The following FBXW4 variants were observed in gnomAD, a reference collection of about 807,000 sequenced individuals.
The protein encoded by FBXW4 is F-box and WD repeat domain containing 4, also known as F-box/WD repeat-containing protein 4.
Under a neutral mutation model 61.8 loss-of-function variants are expected in FBXW4, and 40 were observed. That is an observed-to-expected ratio of 0.65 (90% CI 0.50 to 0.84). FBXW4 has a LOEUF of 0.84. Ranked by LOEUF, FBXW4 falls within the 40% of genes least tolerant of loss-of-function variation. FBXW4 has a pLI of 0.00. For missense variants in FBXW4, 672 were observed against 753.8 expected, an observed-to-expected ratio of 0.89 and a Z score of 1.27; for synonymous variants, 311 against 313.8, an observed-to-expected ratio of 0.99 and a Z score of 0.10.
intron 5 of FBXW4, among the ~76,000 whole-genome samples, chr10:101,650,444 G>A (rs1259282245): frequency 6.6e-6 from 1 of 152,170 alleles, no homozygotes; most frequent in Non-Finnish European, 1.5e-5. Context: ...AGCCCTGCAA[G>A]CAAGGCCCTG....
In FBXW4 at chr10:101,694,620, CT is replaced by C; in HGVS notation, c.485del (p.Glu162GlyfsTer65). The C allele has an allele frequency of 7.0e-7, 1 of 1,433,366 alleles. No individual in the cohort carries two copies. Among genetic ancestry groups the C allele is most frequent in the South Asian group, 1.5e-5 (1 of 68,272 alleles). The allele number at this position is 1,433,366 out of a possible 1,614,324, so 88.8% of individuals were successfully genotyped here. A position where few individuals can be genotyped will look rare whatever the true frequency, so the allele number is the denominator to read the frequency against. ...TGVAMAAAAGEEEEEEEAARE... is the reference protein window; with the variant it reads ...TGVAMAAAAGXEEEEEEAARE... ...GAGCCGCCTCCTCCTCCTCCTCCTC[CT>C]CCCCGGCCGCCGCCGCCATGGCCAC... On this transcript the variant is annotated frameshift_variant, in exon 1 of 9. Coordinates refer to ENST00000331272, the MANE Select transcript of FBXW4 (RefSeq NM_022039.4). LOFTEE classifies it high-confidence loss of function. This position sits in a 1 kb window ranked among gnomAD's most constrained non-coding sequence, Gnocchi z 6.0.
At chr10:101,690,727 G>C (rs761914589) in intron 1 of FBXW4, among the ~76,000 whole-genome samples, 10 of 152,186 alleles carry the variant, frequency 6.6e-5, no homozygotes, top group Non-Finnish European at 1.5e-4. Flanking sequence ...GTGTTTCTGA[G>C]AATCAAGAGG....
At chr10:101,683,278 A>G (rs1356021861) in intron 1 of FBXW4, among the ~76,000 whole-genome samples, 1 of 152,238 alleles carries the variant, frequency 6.6e-6, no homozygotes, top group Non-Finnish European at 1.5e-5. Context: ...TGCCCTGTAA[A>G]TAAATCTCTC....
At chr10:101,628,621 C>T (rs1186987411) in intron 5 of FBXW4, among the ~76,000 whole-genome samples, 1 of 152,144 alleles carries the variant, frequency 6.6e-6, no homozygotes, top group Non-Finnish European at 1.5e-5. Flanking sequence ...GGAATAATTC[C>T]CAAATACCAA....
intron 5 of FBXW4, among the ~76,000 whole-genome samples, chr10:101,637,699 CAAAAAAAAAA>C (rs34463792): frequency 1.2e-5 from 1 of 82,052 alleles, no homozygotes; most frequent in Non-Finnish European, 2.2e-5. Flanking sequence ...GATCCTGTCT[CAAAAAAAAAA>C]AAAAAAAAAA....
At chr10:101,650,534 G>C (rs952585975) in intron 5 of FBXW4, among the ~76,000 whole-genome samples, 5 of 152,190 alleles carry the variant, frequency 3.3e-5, no homozygotes, top group African/African-American at 1.2e-4. Flanking sequence ...CAAGCTGGCA[G>C]CCCTATGGGG....
intron 5 of FBXW4, among the ~76,000 whole-genome samples, chr10:101,630,244 C>T (rs2063940740): frequency 6.6e-6 from 1 of 152,196 alleles, no homozygotes; most frequent in East Asian, 1.9e-4. Flanking sequence ...TTATTACTCT[C>T]TATTACTCCA....
intron 5 of FBXW4, among the ~76,000 whole-genome samples, chr10:101,645,975 T>C (rs953546653): frequency 2.6e-5 from 4 of 152,142 alleles, no homozygotes; most frequent in Non-Finnish European, 5.9e-5. Flanking sequence ...AGGATGATGA[T>C]GGTACCTATC....
chr10:101,684,743 T>A (rs1244953762), intron 1 of FBXW4, among the ~76,000 whole-genome samples: 1 of 152,272 alleles, frequency 6.6e-6, no homozygotes, highest in African/African-American at 2.4e-5. Context: ...TATACTTGCA[T>A]TAGCCTGAAT....
chr10:101,630,334 G>A (rs1023117898), intron 5 of FBXW4, among the ~76,000 whole-genome samples: 2 of 152,248 alleles, frequency 1.3e-5, no homozygotes, highest in Non-Finnish European at 1.5e-5. Context: ...GTGGGCTCCC[G>A]AACCGCCCTG....
At chr10:101,621,812 AC>A (rs945162946) in intron 6 of FBXW4, among the ~76,000 whole-genome samples, 60 of 152,182 alleles carry the variant, frequency 3.9e-4, no homozygotes, top group Non-Finnish European at 1.6e-4. Context: ...CAACTGAAGG[AC>A]CTAGAACTTT....
intron 5 of FBXW4, among the ~76,000 whole-genome samples, chr10:101,650,205 T>C (rs2064134679): frequency 6.6e-6 from 1 of 152,162 alleles, no homozygotes; most frequent in Non-Finnish European, 1.5e-5. Flanking sequence ...CCTGTGACCA[T>C]GTCCAGTTCT....
chr10:101,660,245 G>C (rs1589765705), intron 5 of FBXW4: 1 of 968,428 alleles, frequency 1.0e-6, no homozygotes, highest in Non-Finnish European at 1.2e-6. Flanking sequence ...CCAGCTCCAG[G>C]AATTCCCTTT....
intron 6 of FBXW4, among the ~76,000 whole-genome samples, chr10:101,614,163 C>T (rs1431593528): frequency 6.6e-6 from 1 of 152,244 alleles, no homozygotes; most frequent in Non-Finnish European, 1.5e-5. Context: ...AGTTCTCCTC[C>T]CTCTTCCAGA....
At chr10:101,619,384 C>A (rs1232517836) in intron 6 of FBXW4, among the ~76,000 whole-genome samples, 1 of 152,148 alleles carries the variant, frequency 6.6e-6, no homozygotes, top group Non-Finnish European at 1.5e-5. Flanking sequence ...AAAGTCCAGG[C>A]GCAGTGGCTC....
chr10:101,666,934 A>C (rs1158280212), intron 5 of FBXW4, among the ~76,000 whole-genome samples: 3 of 151,540 alleles, frequency 2.0e-5, no homozygotes, highest in Non-Finnish European at 4.4e-5. Context: ...TGAAAAAAAA[A>C]CCACCCCATT....
intron 5 of FBXW4, among the ~76,000 whole-genome samples, chr10:101,647,836 A>C (rs919390860): frequency 1.3e-5 from 2 of 152,174 alleles, no homozygotes; most frequent in Non-Finnish European, 2.9e-5. Flanking sequence ...GTGCTAGACA[A>C]CTGCTAGCTG....
chr10:101,674,985 G>A (rs543322855), intron 2 of FBXW4, among the ~76,000 whole-genome samples: 2 of 152,338 alleles, frequency 1.3e-5, no homozygotes, highest in South Asian at 2.1e-4. Flanking sequence ...CCCAAGAACA[G>A]CCACCATCTC....
chr10:101,669,574 T>G, intron 4 of FBXW4, among the ~76,000 whole-genome samples: 1 of 152,224 alleles, frequency 6.6e-6, no homozygotes, highest in South Asian at 2.1e-4. Flanking sequence ...CCACCAATTC[T>G]GAGCAAGATC....
Sources: gnomAD v4.1 joint callset for allele counts (sites outside exome capture counted in the v4.1 genomes callset) on GRCh38, gnomAD v4.1.1 for gene constraint, Gnocchi (gnomAD v3.1) non-coding constraint, MANE v1.5 for transcripts, NCBI Gene and HGNC (gene_info 2026-07-23, HGNC 2026-07-21) for gene names.